NDUFAF2: variants seen among roughly 807,000 people sequenced by gnomAD.
The protein encoded by NDUFAF2 is NADH dehydrogenase [ubiquinone] 1 alpha subcomplex assembly factor 2.
In NDUFAF2, 13 loss-of-function variants were observed where a neutral mutation model predicts 22.8. The observed-to-expected ratio is 0.57, with a 90% CI of 0.37 to 0.91. The LOEUF (loss-of-function observed/expected upper bound fraction) is 0.91. Ranked by LOEUF, NDUFAF2 falls within the 40% of genes least tolerant of loss-of-function variation. The pLI is 0.01. For missense variants in NDUFAF2, 162 were observed against 195.2 expected, an observed-to-expected ratio of 0.83 and a Z score of 1.01; for synonymous variants, 53 against 64.2, an observed-to-expected ratio of 0.83 and a Z score of 0.84.
intron 3 of NDUFAF2, among the ~76,000 whole-genome samples, chr5:61,149,463 C>G (rs1241320298): frequency 6.6e-6 from 1 of 151,902 alleles, no homozygotes; most frequent in Non-Finnish European, 1.5e-5. Flanking sequence ...AAGAATTACC[C>G]ATGTGGATTG....
At chr5:61,123,737 G>C (rs1260734277) in intron 3 of NDUFAF2, among the ~76,000 whole-genome samples, 1 of 152,084 alleles carries the variant, frequency 6.6e-6, no homozygotes, top group South Asian at 2.1e-4. Flanking sequence ...TTTCAAACAA[G>C]TTTATTACAA....
At position 61,125,330 on chromosome 5, in the gene NDUFAF2, A is replaced by AT. The variant is rs774679164; in HGVS notation, c.258+26307dup. Among the ~76,000 whole-genome samples the AT allele has an allele frequency of 8.6e-4, 130 of 151,036 alleles. 1 individual carries two copies. The East Asian group carries it at 9.7e-3, about 11-fold the overall frequency. Reference sequence around the variant, plus strand: ...TGTCAGCTCTTTTCTTATGCACTGTATTTTTTTTTATCATGGCAAAGAAAT... The same window carrying AT: ...TGTCAGCTCTTTTCTTATGCACTGTATTTTTTTTTTATCATGGCAAAGAAAT... On this transcript the variant is annotated intron_variant, in intron 3 of 3. Coordinates refer to ENST00000296597, the MANE Select transcript of NDUFAF2 (RefSeq NM_174889.5).
intron 2 of NDUFAF2, among the ~76,000 whole-genome samples, chr5:61,095,990 A>C (rs1272632053): frequency 6.6e-6 from 1 of 152,162 alleles, no homozygotes; most frequent in Non-Finnish European, 1.5e-5. Flanking sequence ...CTAGTCGTCC[A>C]TCTTGGCCTG....
chr5:61,058,215 A>T (rs1224146092), intron 1 of NDUFAF2, among the ~76,000 whole-genome samples: 3 of 152,078 alleles, frequency 2.0e-5, no homozygotes, highest in African/African-American at 7.2e-5. Context: ...AGCTTTTCAC[A>T]TACTATAATT....
intron 1 of NDUFAF2, among the ~76,000 whole-genome samples, chr5:61,040,251 G>GACAC (rs55910021): frequency 0.042 from 5,478 of 131,786 alleles, 141 homozygotes; most frequent in South Asian, 0.074. Context: ...AAGAGGAAAG[G>GACAC]ACACACACAC....
chr5:61,133,902 C>A (rs1163929336), intron 3 of NDUFAF2, among the ~76,000 whole-genome samples: 1 of 152,230 alleles, frequency 6.6e-6, no homozygotes, highest in African/African-American at 2.4e-5. Flanking sequence ...AATACATACA[C>A]TTTTACCCTC....
chr5:61,023,762 C>T (rs1430758726), intron 1 of NDUFAF2, among the ~76,000 whole-genome samples: 1 of 152,108 alleles, frequency 6.6e-6, no homozygotes, highest in Non-Finnish European at 1.5e-5. Flanking sequence ...TCTTAGAGTT[C>T]ATGGGCCACG....
intron 2 of NDUFAF2, among the ~76,000 whole-genome samples, chr5:61,074,415 C>T (rs539730170): frequency 1.5e-4 from 23 of 152,002 alleles, no homozygotes; most frequent in African/African-American, 5.1e-4. Context: ...GGTGAAACCC[C>T]GTCTCTACTA....
intron 1 of NDUFAF2, among the ~76,000 whole-genome samples, chr5:60,979,481 C>T (rs1355556045): frequency 3.3e-5 from 5 of 152,114 alleles, no homozygotes; most frequent in African/African-American, 9.7e-5. Flanking sequence ...ATAAGCTGGC[C>T]GAAAAGCCCT....
intron 1 of NDUFAF2, among the ~76,000 whole-genome samples, chr5:61,056,908 AAAAAAAAAAAAATATATATATAT>A (rs1752101108): frequency 4.6e-5 from 2 of 43,832 alleles, no homozygotes; most frequent in African/African-American, 1.7e-4. Flanking sequence ...AAAAAAAAAA[AAAAAAAAAAAAATATATATATAT>A]ATATATATAT....
intron 1 of NDUFAF2, among the ~76,000 whole-genome samples, chr5:60,983,290 G>T (rs199858883): frequency 3.2e-5 from 1 of 31,428 alleles, no homozygotes; most frequent in Non-Finnish European, 8.3e-5. Flanking sequence ...ATTGTAGATT[G>T]TGGATATTAG....
chr5:61,061,134 A>G (rs760317990), intron 1 of NDUFAF2, among the ~76,000 whole-genome samples: 4 of 152,132 alleles, frequency 2.6e-5, no homozygotes, highest in Non-Finnish European at 4.4e-5. Context: ...CTTATTTCTA[A>G]CCATCCTTTA....
At chr5:61,105,663 A>G (rs144260140) in intron 3 of NDUFAF2, among the ~76,000 whole-genome samples, 2 of 149,902 alleles carry the variant, frequency 1.3e-5, no homozygotes, top group African/African-American at 2.5e-5. Context: ...AGAAGATGTC[A>G]TACAATATAC....
chr5:61,144,902 C>A (rs559912526), intron 3 of NDUFAF2, among the ~76,000 whole-genome samples: 2 of 152,118 alleles, frequency 1.3e-5, no homozygotes, highest in Admixed American at 1.3e-4. Context: ...CAAATATCCA[C>A]GCATGTTATC....
intron 1 of NDUFAF2, among the ~76,000 whole-genome samples, chr5:61,009,106 T>A (rs542392958): frequency 7.2e-4 from 110 of 152,184 alleles, no homozygotes; most frequent in African/African-American, 1.6e-3. Flanking sequence ...TACATTTTTT[T>A]AAAAAATTGA....
At chr5:60,987,816 A>G (rs1407185434) in intron 1 of NDUFAF2, among the ~76,000 whole-genome samples, 1 of 152,230 alleles carries the variant, frequency 6.6e-6, no homozygotes. Context: ...CTCAGCCAAC[A>G]TCATACTGAA....
At chr5:61,058,476 A>C (rs1752126433) in intron 1 of NDUFAF2, among the ~76,000 whole-genome samples, 1 of 152,034 alleles carries the variant, frequency 6.6e-6, no homozygotes, top group African/African-American at 2.4e-5. Flanking sequence ...TCACTATAAA[A>C]TAAGATTTCC....
chr5:61,006,606 CTTTTA>C (rs1249141971), intron 1 of NDUFAF2, among the ~76,000 whole-genome samples: 1 of 152,138 alleles, frequency 6.6e-6, no homozygotes, highest in Non-Finnish European at 1.5e-5. Flanking sequence ...TTTGTATCCT[CTTTTA>C]TTTCATTGAG....
chr5:61,023,624 C>T (rs977215675), intron 1 of NDUFAF2, among the ~76,000 whole-genome samples: 1 of 152,118 alleles, frequency 6.6e-6, no homozygotes, highest in South Asian at 2.1e-4. Flanking sequence ...TTAAATTTTA[C>T]ACCACGGAAT....
Sources: allele counts gnomAD v4.1 joint callset (sites outside exome capture counted in the v4.1 genomes callset), GRCh38; gene constraint gnomAD v4.1.1; transcripts MANE v1.5; gene names NCBI Gene and HGNC (gene_info 2026-07-23, HGNC 2026-07-21).